Variants in ZAN observed in about 807,000 individuals in gnomAD.
The protein encoded by ZAN is zonadhesin.
In ZAN, 260 loss-of-function variants were observed where a neutral mutation model predicts 286.2. That is an observed-to-expected ratio of 0.91 (90% CI 0.82 to 1.01). The LOEUF is 1.01. Among genes scored for constraint, ZAN ranks in the 50% least tolerant of loss-of-function variants. The pLI, the probability that ZAN is intolerant of heterozygous loss-of-function variation, is 0.00. For missense variants in ZAN, 3,410 were observed against 3,639.2 expected (o/e 0.94, Z 1.62); for synonymous variants, 1,368 against 1,417.5 (o/e 0.97, Z 0.79).
intron 18 of ZAN, 129 bp from the exon 19 acceptor site, chr7:100,760,262 C>A: frequency 7.8e-7 from 1 of 1,275,704 alleles, no homozygotes; most frequent in Non-Finnish European, 1.1e-6. Context: ...CTCCAGTCCA[C>A]TCCTGGTGGA....
At chr7:100,758,752 G>A in intron 17 of ZAN, 102 bp downstream of exon 17, 1 of 1,494,106 alleles carries the variant, frequency 6.7e-7, no homozygotes, top group Non-Finnish European at 8.9e-7. Context: ...GGCACAGATG[G>A]GGGAAGAGGC....
chr7:100,762,349 A>T lies in ZAN; in HGVS notation c.3977A>T (p.Glu1326Val), dbSNP rs1377614501. 1 of 1,601,978 alleles carries T rather than the reference A, an allele frequency of 6.2e-7. No homozygotes were observed. The highest frequency in any genetic ancestry group is 8.5e-7 in the Non-Finnish European group (1 of 1,172,502). ...AACAGCTGGCAGACGGACCAGGACG[A>T]GGACCAGGAGTGAGCAAGGAGCCCT... is the stretch of plus-strand genomic sequence containing the variant. Reference protein sequence around the residue: ...LGNSWQTDQDEDQECQKYQVV... With the variant: ...LGNSWQTDQDVDQECQKYQVV... Residue 1326 changes from glutamate (E) to valine (V), a missense_variant, in exon 20 of 48, where the codon GAG becomes GTG. This residue lies in a region of ZAN where 1,042 missense variants were observed against 1,058.0 expected (regional missense o/e 0.98). Coordinates refer to ENST00000613979, the MANE Select transcript of ZAN (RefSeq NM_003386.3).
At chr7:100,791,218 G>A (rs957698692) in intron 40 of ZAN, 105 bp downstream of exon 40, 5 of 1,421,190 alleles carry the variant, frequency 3.5e-6, no homozygotes, top group Non-Finnish European at 4.7e-6. Context: ...TCCAGGGAGA[G>A]GGTGCAGATA....
At position 100,773,864 on chromosome 7, in the gene ZAN, A is replaced by G; in HGVS notation, c.5778A>G (p.Ser1926=). The change falls in exon 31 of 48, where the codon TCA becomes TCG. Residue 1926 remains serine (S), a splice_region_variant and synonymous_variant. Coordinates refer to ENST00000613979, the MANE Select transcript of ZAN (RefSeq NM_003386.3). ...ALDGLLHCRA[S]GVGVCQLPGE... ...ATGGGCTGCTCCATTGTCGGGCCTC[A>G]GGTAGGAGGACCACGGTGATGGGGG... 6.2e-7 allele frequency: 1 copy of G among 1,600,538 alleles called. No individual in the cohort carries two copies. Among genetic ancestry groups the G allele is most frequent in the Non-Finnish European group, 8.5e-7 (1 of 1,172,944 alleles).
At chr7:100,743,590 A>G (rs1445005346) in intron 7 of ZAN, among the ~76,000 whole-genome samples, 1 of 152,156 alleles carries the variant, frequency 6.6e-6, no homozygotes, top group Non-Finnish European at 1.5e-5. Flanking sequence ...TGTTTTTAAA[A>G]ACTAGGCCAG....
intron 25 of ZAN, 63 bp from the exon 26 acceptor site, chr7:100,767,768 G>A (rs1423333165): frequency 3.9e-6 from 6 of 1,549,404 alleles, no homozygotes; most frequent in Admixed American, 1.9e-5. Flanking sequence ...ATGAGCCCCC[G>A]TCCTTGCCTT....
In ZAN at chr7:100,765,591, G is replaced by C. The variant is rs557674023; in HGVS notation, c.4470+37G>C. The C allele has an allele frequency of 3.2e-6, 5 of 1,560,356 alleles. No homozygotes were observed. The East Asian group carries it at 7.2e-5, about 22-fold the overall frequency. On this transcript the variant is annotated intron_variant, in intron 23 of 47. Coordinates refer to ENST00000613979, the MANE Select transcript of ZAN (RefSeq NM_003386.3). ...CGTGGACCTCTCAGCCCTGCAGCTA[G>C]AAAGGGCCTGCTCCCTGCTCTCACA...
At chr7:100,762,146 C>G in intron 19 of ZAN, 69 bp from the exon 20 acceptor site, 1 of 1,595,432 alleles carries the variant, frequency 6.3e-7, no homozygotes, top group South Asian at 1.1e-5. Context: ...CTTGCCTTCT[C>G]TGCCACTGCC....
chr7:100,783,801 C>T lies in ZAN; in HGVS notation c.6623-822C>T, dbSNP rs28582278. ...ATATATATACACATATATATATATACACACATATATATATACATATATATA... is the reference window on the plus strand; with the variant it reads ...ATATATATACACATATATATATATATACACATATATATATACATATATATA... On this transcript the variant is annotated intron_variant, in intron 35 of 47. Coordinates refer to ENST00000613979, the MANE Select transcript of ZAN (RefSeq NM_003386.3). 0.022 allele frequency among the ~76,000 whole-genome samples: 261 copies of T among 11,974 alleles called. 43 individuals are homozygous for T. In the East Asian group the frequency reaches 0.27, roughly 12 times the overall value. The allele number at this position is 11,974 out of a possible 152,430, so 7.9% of individuals were successfully genotyped here.
Position 100,768,030 on chromosome 7 carries a change from TG to T in ZAN, c.5041+20del, listed in dbSNP as rs774348992. On this transcript the variant is annotated intron_variant, in intron 26 of 47. Transcript: ENST00000613979. ...CTGTGTGGTGAGTTTCCTGGGCACC[TG>T]CGGGGAAAGCTGGGACAATGAGTAG... The T allele has an allele frequency of 3.1e-6, 5 of 1,602,404 alleles. No individual in the cohort carries two copies. The highest frequency in any genetic ancestry group is 3.4e-5 in the Admixed American group (2 of 58,808).
At chr7:100,772,264 T>G (rs1227007697) in intron 29 of ZAN, among the ~76,000 whole-genome samples, 1 of 150,866 alleles carries the variant, frequency 6.6e-6, no homozygotes, top group Non-Finnish European at 1.5e-5. Flanking sequence ...AAACCCCGTC[T>G]CTATTAAAAA....
rs1307261311 is a variant in ZAN at position 100,793,880 on chromosome 7, G to A, written c.7848G>A (p.Leu2616=). 3.7e-6 allele frequency: 6 copies of A among 1,613,884 alleles called. No homozygotes were observed. The highest frequency in any genetic ancestry group is 1.7e-5 in the Admixed American group (1 of 60,002). ...SELYDTLPSI[L]CQPGRPRGLR... The stretch of plus-strand genomic sequence containing the variant: ...TGTATGACACCCTGCCCAGCATCCT[G>A]TGCCAACCTGGCAGACCCCGGGGAC... Residue 2616 remains leucine, a synonymous_variant, in exon 43 of 48, where the codon CTG becomes CTA. Coordinates refer to ENST00000613979, the MANE Select transcript of ZAN (RefSeq NM_003386.3).
intron 28 of ZAN, among the ~76,000 whole-genome samples, chr7:100,770,319 A>G (rs1003239104): frequency 6.6e-6 from 1 of 151,882 alleles, no homozygotes; most frequent in South Asian, 2.1e-4. Flanking sequence ...CCTGGCTAGC[A>G]TGGTGAAACC....
chr7:100,779,242 GC>G (rs1044162197), intron 34 of ZAN, among the ~76,000 whole-genome samples: 2 of 151,754 alleles, frequency 1.3e-5, no homozygotes, highest in Non-Finnish European at 2.9e-5. Context: ...GGTGGTGGGT[GC>G]CTGTAGTCTC....
chr7:100,789,163 G>A (rs1386740705), intron 38 of ZAN, 55 bp from the exon 39 acceptor site: 40 of 1,569,964 alleles, frequency 2.5e-5, no homozygotes, highest in Non-Finnish European at 3.4e-5. Context: ...GCCAGGAAAT[G>A]GCAGCAGGTC....
rs760058571 is a variant in ZAN, at chr7:100,788,118, A to G, written c.7209A>G (p.Gln2403=). Residue 2403 remains glutamine, a synonymous_variant, in exon 38 of 48, where the codon CAA becomes CAG. Transcript: ENST00000613979. ...TTVYGYKVQL[Q]AGLELVVNNQ... is the part of the protein sequence containing the mutation. The stretch of plus-strand genomic sequence containing the variant: ...TCTACGGCTATAAAGTGCAGCTCCA[A>G]GCTGGTCTGGAGCTTGTGGTAAGAG... 4 of 1,523,126 alleles carry G rather than the reference A, an allele frequency of 2.6e-6. No individual in the cohort carries two copies. The highest frequency in any genetic ancestry group is 3.6e-6 in the Non-Finnish European group (4 of 1,122,784). 94.4% of individuals were successfully genotyped at this position (1,523,126 alleles called of 1,614,324 possible).
chr7:100,734,716 C>T (rs1807186253), intron 2 of ZAN, among the ~76,000 whole-genome samples: 1 of 139,218 alleles, frequency 7.2e-6, no homozygotes, highest in Admixed American at 7.1e-5. Flanking sequence ...AATTAAGGGG[C>T]GGGTTCTGGG....
chr7:100,765,293 T>C, intron 22 of ZAN, 59 bp from the exon 23 acceptor site: 1 of 1,576,772 alleles, frequency 6.3e-7, no homozygotes, highest in Non-Finnish European at 8.6e-7. Context: ...CCTTCCTGTT[T>C]CCCACCCAGC....
chr7:100,773,933 C>G, intron 31 of ZAN, 68 bp downstream of exon 31: 1 of 1,535,314 alleles, frequency 6.5e-7, no homozygotes, highest in Non-Finnish European at 8.8e-7. Context: ...CCCCAACAGA[C>G]TCCCTGCTGC....
Sources: allele counts gnomAD v4.1 joint callset (sites outside exome capture counted in the v4.1 genomes callset), GRCh38; gene constraint gnomAD v4.1.1; regional missense constraint gnomAD v4.1.1; transcripts MANE v1.5; gene names NCBI Gene and HGNC (gene_info 2026-07-23, HGNC 2026-07-21).